The following HS6ST3 variants were observed in gnomAD, a reference collection of about 807,000 sequenced individuals.
The protein encoded by HS6ST3 is heparan sulfate 6-O-sulfotransferase 3.
In HS6ST3, 12 loss-of-function variants were observed where a neutral mutation model predicts 36.7. The observed-to-expected ratio is 0.33, with a 90% confidence interval of 0.21 to 0.53. HS6ST3 has a LOEUF of 0.53. Ranked by LOEUF, HS6ST3 falls within the 20% of genes least tolerant of loss-of-function variation. The probability of loss-of-function intolerance (pLI) is 0.95; values close to 1 mark genes in which losing one functional copy is unlikely to be tolerated. For missense variants in HS6ST3, 584 were observed against 640.9 expected (o/e 0.91, Z 0.96); for synonymous variants, 240 against 257.5 (o/e 0.93, Z 0.65).
intron 1 of HS6ST3, among the ~76,000 whole-genome samples, chr13:96,317,572 T>C (rs146858455): frequency 3.1e-4 from 47 of 151,656 alleles, no homozygotes; most frequent in African/African-American, 1.1e-3. Flanking sequence ...TTTGGGTATA[T>C]ACTTAGTAAT....
chr13:96,378,461 A>T (rs958571823), intron 1 of HS6ST3, among the ~76,000 whole-genome samples: 1 of 152,136 alleles, frequency 6.6e-6, no homozygotes, highest in Non-Finnish European at 1.5e-5. Context: ...CTACCTCATG[A>T]TTCCTGGAAA....
chr13:96,530,032 T>G (rs1256488495), intron 1 of HS6ST3, among the ~76,000 whole-genome samples: 1 of 152,206 alleles, frequency 6.6e-6, no homozygotes, highest in Non-Finnish European at 1.5e-5. Context: ...ATGATTAGAT[T>G]GGAGATAGTC....
intron 1 of HS6ST3, among the ~76,000 whole-genome samples, chr13:96,788,747 G>A (rs971784148): frequency 6.6e-6 from 1 of 151,738 alleles, no homozygotes; most frequent in South Asian, 2.1e-4. Flanking sequence ...TGAGTCCTTG[G>A]TGAATTGACC....
At chr13:96,283,739 C>A (rs761885140) in intron 1 of HS6ST3, among the ~76,000 whole-genome samples, 2 of 152,110 alleles carry the variant, frequency 1.3e-5, no homozygotes, top group Non-Finnish European at 2.9e-5. Flanking sequence ...TTCTGTTACT[C>A]CTCCTTATGG....
intron 1 of HS6ST3, among the ~76,000 whole-genome samples, chr13:96,493,127 A>T (rs1187482823): frequency 6.6e-6 from 1 of 152,098 alleles, no homozygotes; most frequent in African/African-American, 2.4e-5. Context: ...AACCAGATCC[A>T]CTGTTCCCTG....
intron 1 of HS6ST3, among the ~76,000 whole-genome samples, chr13:96,492,926 A>G (rs962981617): frequency 3.9e-5 from 6 of 152,156 alleles, no homozygotes; most frequent in South Asian, 2.1e-4. Context: ...GGCTGTTGAC[A>G]AAATCATGCT....
At chr13:96,524,710 G>T (rs957581583) in intron 1 of HS6ST3, among the ~76,000 whole-genome samples, 2 of 152,226 alleles carry the variant, frequency 1.3e-5, no homozygotes, top group African/African-American at 2.4e-5. Flanking sequence ...AGACTGTGGG[G>T]AAAGTGCAGT....
intron 1 of HS6ST3, among the ~76,000 whole-genome samples, chr13:96,204,322 A>G (rs2054358671): frequency 6.6e-6 from 1 of 152,214 alleles, no homozygotes; most frequent in South Asian, 2.1e-4. Flanking sequence ...ACAGATATGC[A>G]CCCAATATAG....
chr13:96,346,569 T>G (rs1193575229), intron 1 of HS6ST3, among the ~76,000 whole-genome samples: 1 of 105,582 alleles, frequency 9.5e-6, no homozygotes, highest in African/African-American at 3.0e-5. Flanking sequence ...AGAGACTCCG[T>G]CTCAAAAAAA....
At chr13:96,452,985 A>G (rs2055735653) in intron 1 of HS6ST3, among the ~76,000 whole-genome samples, 1 of 152,044 alleles carries the variant, frequency 6.6e-6, no homozygotes, top group African/African-American at 2.4e-5. Context: ...ATGGCATGAC[A>G]GGTGCCATGA....
intron 1 of HS6ST3, among the ~76,000 whole-genome samples, chr13:96,640,869 A>T (rs919535924): frequency 1.6e-4 from 24 of 151,888 alleles, no homozygotes; most frequent in African/African-American, 5.5e-4. Flanking sequence ...GTAGGTGTGT[A>T]ACTTTATTTC....
intron 1 of HS6ST3, among the ~76,000 whole-genome samples, chr13:96,335,209 A>ACCAAGGGAGAAGGTAGAAACGACAT (rs2055094434): frequency 6.6e-6 from 1 of 152,120 alleles, no homozygotes; most frequent in African/African-American, 2.4e-5. Context: ...CTGGGACCAC[A>ACCAAGGGAGAAGGTAGAAACGACAT]CCAAGGGAGA....
chr13:96,812,824 T>C (rs1878345818), intron 1 of HS6ST3, among the ~76,000 whole-genome samples: 1 of 152,144 alleles, frequency 6.6e-6, no homozygotes, highest in African/African-American at 2.4e-5. Context: ...GTTGGGCCTA[T>C]CTTTGGTAAC....
intron 1 of HS6ST3, among the ~76,000 whole-genome samples, chr13:96,635,148 A>G (rs960269955): frequency 8.5e-5 from 13 of 152,186 alleles, no homozygotes; most frequent in Non-Finnish European, 1.3e-4. Context: ...TCAGTCTTGC[A>G]CAAATAAATG....
At chr13:96,549,801 C>T (rs889651294) in intron 1 of HS6ST3, among the ~76,000 whole-genome samples, 2 of 152,036 alleles carry the variant, frequency 1.3e-5, no homozygotes, top group East Asian at 1.9e-4. Flanking sequence ...TCTGTTTATT[C>T]TGCCTGAAAC....
At chr13:96,416,533 T>C (rs1481473460) in intron 1 of HS6ST3, among the ~76,000 whole-genome samples, 9 of 152,198 alleles carry the variant, frequency 5.9e-5, no homozygotes, top group Admixed American at 5.2e-4. Context: ...GAAAACATTT[T>C]TGTTTGCTGG....
intron 1 of HS6ST3, among the ~76,000 whole-genome samples, chr13:96,603,420 A>C (rs1016499101): frequency 6.6e-6 from 1 of 152,134 alleles, no homozygotes; most frequent in African/African-American, 2.4e-5. Flanking sequence ...ATTCATTTTC[A>C]TTGCCTATAT....
Position 96,090,112 on chromosome 13 carries a change from G to T in HS6ST3, c.-751G>T, listed in dbSNP as rs1263865120. ...CGGGTAGCAGGGCTCCTGTCACACC[G>T]GCTGGCGGGTTGTGGCGGTGCCAGC... On this transcript the variant is annotated 5_prime_UTR_variant, in exon 1 of 2. Transcript: ENST00000376705. Among the ~76,000 whole-genome samples, 2 of 152,116 alleles carry T rather than the reference G, an allele frequency of 1.3e-5. No homozygotes were observed. The highest frequency in any genetic ancestry group is 4.8e-5 in the African/African-American group (2 of 41,454).
intron 1 of HS6ST3, among the ~76,000 whole-genome samples, chr13:96,780,390 G>A (rs1190195335): frequency 6.6e-6 from 1 of 152,184 alleles, no homozygotes. Context: ...AGCTGGACAA[G>A]GCAGTTCTTG....
Sources: allele counts gnomAD v4.1 joint callset (sites outside exome capture counted in the v4.1 genomes callset), GRCh38; gene constraint gnomAD v4.1.1; transcripts MANE v1.5; gene names NCBI Gene and HGNC (gene_info 2026-07-23, HGNC 2026-07-21).